Variants in ZNF681 observed in about 807,000 individuals in gnomAD.
ZNF681 encodes the protein zinc finger protein 681.
Under a neutral mutation model 56.0 loss-of-function variants are expected in ZNF681, and 37 were observed. The observed-to-expected ratio is 0.66, with a 90% CI of 0.51 to 0.87. ZNF681 has a LOEUF of 0.87. Among genes scored for constraint, ZNF681 ranks in the 40% least tolerant of loss-of-function variants. The probability of loss-of-function intolerance (pLI) is 0.00; values close to 1 mark genes in which losing one functional copy is unlikely to be tolerated. For missense variants in ZNF681, 741 were observed against 744.9 expected, an observed-to-expected ratio of 0.99 and a Z score of 0.06; for synonymous variants, 225 against 248.6, an observed-to-expected ratio of 0.91 and a Z score of 0.89.
intron 3 of ZNF681, among the ~76,000 whole-genome samples, chr19:23,753,173 T>TG (rs1969058526): frequency 6.6e-6 from 1 of 152,216 alleles, no homozygotes; most frequent in Non-Finnish European, 1.5e-5. Flanking sequence ...CTGAGGCAGG[T>TG]GGATCATCTG....
rs1968890831 is a variant in ZNF681, at chr19:23,743,015, T to A, written c.*597A>T. 6.6e-6 allele frequency: 1 copy of A among 152,242 alleles called. No homozygotes were observed. The highest frequency in any genetic ancestry group is 1.5e-5 in the Non-Finnish European group (1 of 68,062). 9.4% of individuals were successfully genotyped at this position (152,242 alleles called of 1,614,324 possible). ...ACTATTTCTACTGTGAATTATCTGATATTTACATAGAATTTTGGATTAAAT... is the reference window on the plus strand; with the variant it reads ...ACTATTTCTACTGTGAATTATCTGAAATTTACATAGAATTTTGGATTAAAT... On this transcript the variant is annotated 3_prime_UTR_variant, in exon 4 of 4. Coordinates refer to ENST00000402377, the MANE Select transcript of ZNF681 (RefSeq NM_138286.3).
intron 3 of ZNF681, among the ~76,000 whole-genome samples, chr19:23,751,032 G>A (rs1364725700): frequency 9.8e-4 from 14 of 14,262 alleles, no homozygotes; most frequent in Non-Finnish European, 2.9e-3. Flanking sequence ...GGGAGGCTGA[G>A]GCAGGAGAAT....
At chr19:23,757,631 AG>A (rs1969142589) in intron 1 of ZNF681, among the ~76,000 whole-genome samples, 1 of 152,156 alleles carries the variant, frequency 6.6e-6, no homozygotes, top group African/African-American at 2.4e-5. Context: ...TTTGTGTTTC[AG>A]GAATTGTAAG....
chr19:23,754,618 C>T (rs1045248256), intron 3 of ZNF681, among the ~76,000 whole-genome samples: 2 of 152,184 alleles, frequency 1.3e-5, no homozygotes, highest in African/African-American at 4.8e-5. Flanking sequence ...TGAGCCCAGA[C>T]TGTTCCACTG....
At chr19:23,752,972 T>C (rs1969054916) in intron 3 of ZNF681, among the ~76,000 whole-genome samples, 1 of 151,802 alleles carries the variant, frequency 6.6e-6, no homozygotes, top group Non-Finnish European at 1.5e-5. Context: ...CATATGATAG[T>C]ATATGTGTAT....
chr19:23,756,622 A>T (rs1174409677), intron 1 of ZNF681, among the ~76,000 whole-genome samples: 1 of 152,024 alleles, frequency 6.6e-6, no homozygotes, highest in Non-Finnish European at 1.5e-5. Context: ...GAGACAAACC[A>T]TACACACCAG....
In ZNF681 at chr19:23,741,360, G is replaced by A. The variant is rs1968872080; in HGVS notation, c.*2252C>T. 1 of 151,960 alleles carries A rather than the reference G, an allele frequency of 6.6e-6. No individual in the cohort carries two copies. Among genetic ancestry groups the A allele is most frequent in the East Asian group, 1.9e-4 (1 of 5,192 alleles). The allele number at this position is 151,960 out of a possible 1,614,324, so 9.4% of individuals were successfully genotyped here. A position where few individuals can be genotyped will look rare whatever the true frequency, so the allele number is the denominator to read the frequency against. On this transcript the variant is annotated 3_prime_UTR_variant, in exon 4 of 4. Coordinates refer to ENST00000402377, the MANE Select transcript of ZNF681 (RefSeq NM_138286.3). ...GAAATGTATGCATTTTGTTTATATT[G>A]TTTTCTTATGACCATAAAAGAGACC... is the stretch of plus-strand genomic sequence containing the variant.
At chr19:23,754,976 G>T in intron 2 of ZNF681, 58 bp from the exon 3 acceptor site, 1 of 1,334,568 alleles carries the variant, frequency 7.5e-7, no homozygotes, top group African/African-American at 1.5e-5. Flanking sequence ...TCACCAACAT[G>T]GCAATGTAGT....
At chr19:23,753,525 T>A (rs1969066363) in intron 3 of ZNF681, among the ~76,000 whole-genome samples, 1 of 152,310 alleles carries the variant, frequency 6.6e-6, no homozygotes, top group Non-Finnish European at 1.5e-5. Context: ...CAAATAAATT[T>A]AAAAATATTT....
chr19:23,753,529 AAT>A (rs1339948010), intron 3 of ZNF681, among the ~76,000 whole-genome samples: 2 of 152,312 alleles, frequency 1.3e-5, no homozygotes, highest in South Asian at 2.1e-4. Flanking sequence ...TAAATTTAAA[AAT>A]ATTTCATGTC....
At chr19:23,750,912 T>G (rs952687194) in intron 3 of ZNF681, among the ~76,000 whole-genome samples, 1 of 149,894 alleles carries the variant, frequency 6.7e-6, no homozygotes, top group South Asian at 2.1e-4. Flanking sequence ...TCATCTGAGG[T>G]TGAAGGTTCG....
At chr19:23,749,048 T>G (rs1216982607) in intron 3 of ZNF681, among the ~76,000 whole-genome samples, 1 of 152,180 alleles carries the variant, frequency 6.6e-6, no homozygotes, top group Non-Finnish European at 1.5e-5. Flanking sequence ...ATTTGAATAT[T>G]GATGTTTACT....
At chr19:23,755,336 A>C in intron 2 of ZNF681, 89 bp downstream of exon 2, 2 of 1,462,900 alleles carry the variant, frequency 1.4e-6, no homozygotes, top group Non-Finnish European at 1.8e-6. Flanking sequence ...TCACTTATGC[A>C]AAGCATAAAT....
intron 1 of ZNF681, among the ~76,000 whole-genome samples, chr19:23,755,834 A>G (rs963270170): frequency 1.3e-5 from 2 of 152,160 alleles, no homozygotes; most frequent in African/African-American, 4.8e-5. Flanking sequence ...ATTATCAAAA[A>G]TTCAAGAAAC....
At chr19:23,749,809 T>TG (rs1268024386) in intron 3 of ZNF681, among the ~76,000 whole-genome samples, 11 of 7,322 alleles carry the variant, frequency 1.5e-3, no homozygotes, top group Non-Finnish European at 2.9e-3. Flanking sequence ...TTAATTTTTC[T>TG]CAAAAAAAAT....
chr19:23,758,071 G>A (rs1000849273), intron 1 of ZNF681, among the ~76,000 whole-genome samples: 2 of 152,040 alleles, frequency 1.3e-5, no homozygotes, highest in Non-Finnish European at 2.9e-5. Context: ...TGATGACATC[G>A]CAAGTCACAA....
At position 23,740,600 on chromosome 19, in the gene ZNF681, T is replaced by C. The variant is rs1442316186; in HGVS notation, c.*3012A>G. 6.6e-6 allele frequency: 1 copy of C among 152,152 alleles called. No individual in the cohort carries two copies. The allele number at this position is 152,152 out of a possible 1,614,324, so 9.4% of individuals were successfully genotyped here. A position where few individuals can be genotyped will look rare whatever the true frequency, so the allele number is the denominator to read the frequency against. On this transcript the variant is annotated 3_prime_UTR_variant, in exon 4 of 4. Transcript: ENST00000402377. ...GACACAGAAAGCACTGTCATGTTTG[T>C]TTGCTATATTTATATATAAAAACAT...
chr19:23,755,537 A>T lies in ZNF681; in HGVS notation c.18T>A (p.Phe6Leu). 1 of 1,603,896 alleles carries T rather than the reference A, an allele frequency of 6.2e-7. No homozygotes were observed. The highest frequency in any genetic ancestry group is 1.1e-5 in the South Asian group (1 of 90,806). The change falls in exon 2 of 4, where the codon TTT (phenylalanine) becomes TTA (leucine). Residue 6 changes from phenylalanine to leucine, a missense_variant. Phe to Leu is a conservative substitution (Grantham distance 22). Coordinates refer to ENST00000402377, the MANE Select transcript of ZNF681 (RefSeq NM_138286.3). MEPLK[F>L]RDVAIEFSLE... ...GAGAGAATTCTATGGCCACATCCCT[A>T]AATTTCAATGGTTCCTGAAAAACAC...
intron 3 of ZNF681, among the ~76,000 whole-genome samples, chr19:23,750,723 T>C (rs1272601525): frequency 1.3e-5 from 2 of 150,264 alleles, no homozygotes; most frequent in Non-Finnish European, 3.0e-5. Flanking sequence ...GTGCCTGTAG[T>C]CCCAGCTACT....
Sources: allele counts gnomAD v4.1 joint callset (sites outside exome capture counted in the v4.1 genomes callset), GRCh38; gene constraint gnomAD v4.1.1; transcripts MANE v1.5; gene names NCBI Gene and HGNC (gene_info 2026-07-23, HGNC 2026-07-21).